The following FGF14 variants were observed in gnomAD, a reference collection of about 807,000 sequenced individuals.
FGF14 encodes fibroblast growth factor homologous factor 4.
A neutral mutation model predicts 25.5 loss-of-function variants in FGF14; 5 were observed. The observed-to-expected ratio is 0.20, with a 90% CI of 0.10 to 0.41. FGF14 has a LOEUF of 0.41. Among genes scored for constraint, FGF14 ranks in the 10% least tolerant of loss-of-function variants. FGF14 has a pLI of 1.00. For synonymous variants in FGF14, 138 were observed against 118.3 expected, an observed-to-expected ratio of 1.17 and a Z score of -1.08; for missense variants, 222 against 320.1, an observed-to-expected ratio of 0.69 and a Z score of 2.34.
chr13:102,292,576 T>C (rs2054479410), intron 1 of FGF14: 1 of 152,208 alleles, frequency 6.6e-6, no homozygotes, highest in African/African-American at 2.4e-5. Flanking sequence ...TAGCTTTTCC[T>C]TCAGGGTTTT....
chr13:102,183,169 A>C (rs1010569467), intron 1 of FGF14, among the ~76,000 whole-genome samples: 1 of 152,214 alleles, frequency 6.6e-6, no homozygotes, highest in Non-Finnish European at 1.5e-5. Flanking sequence ...AAAAATAAAA[A>C]ATAGAAAAAT....
At chr13:101,942,779 T>C (rs1162288543) in intron 1 of FGF14, among the ~76,000 whole-genome samples, 1 of 152,256 alleles carries the variant, frequency 6.6e-6, no homozygotes, top group Non-Finnish European at 1.5e-5. Context: ...TCTCTCAGGA[T>C]AGACTAGAGC....
intron 1 of FGF14, among the ~76,000 whole-genome samples, chr13:101,926,072 C>T (rs1301226702): frequency 9.2e-5 from 14 of 152,156 alleles, no homozygotes; most frequent in African/African-American, 3.4e-4. Context: ...ATCTCCCCAT[C>T]CCAGGATCCT....
At chr13:102,101,549 T>G (rs1485084376) in intron 1 of FGF14, among the ~76,000 whole-genome samples, 1 of 152,182 alleles carries the variant, frequency 6.6e-6, no homozygotes, top group African/African-American at 2.4e-5. Flanking sequence ...TAAAAGGCAA[T>G]AAAGTGTACC....
intron 3 of FGF14, among the ~76,000 whole-genome samples, chr13:101,767,723 G>A (rs963736975): frequency 3.3e-5 from 5 of 152,078 alleles, no homozygotes; most frequent in African/African-American, 7.2e-5. Flanking sequence ...GCAGAGAAGC[G>A]GGTAAGAATT....
chr13:101,901,294 C>G (rs1320501167), intron 1 of FGF14, among the ~76,000 whole-genome samples: 1 of 152,186 alleles, frequency 6.6e-6, no homozygotes, highest in Non-Finnish European at 1.5e-5. Context: ...TTCTTGATGT[C>G]TCCCTCCCAC....
At chr13:102,253,620 G>A (rs568593477) in intron 1 of FGF14, among the ~76,000 whole-genome samples, 3 of 152,252 alleles carry the variant, frequency 2.0e-5, no homozygotes, top group Admixed American at 6.5e-5. Context: ...TAGGTTGCCT[G>A]TTCACTCTGA....
At chr13:101,786,970 T>C (rs940915527) in intron 3 of FGF14, among the ~76,000 whole-genome samples, 2 of 152,156 alleles carry the variant, frequency 1.3e-5, no homozygotes, top group Admixed American at 1.3e-4. Context: ...ACTCACATCA[T>C]GTCGCTATTT....
chr13:102,022,214 G>A (rs533610635), intron 1 of FGF14, among the ~76,000 whole-genome samples: 1 of 152,030 alleles, frequency 6.6e-6, no homozygotes, highest in South Asian at 2.1e-4. Flanking sequence ...TTCTTTAAAG[G>A]ACATAGCCAG....
At chr13:102,259,518 A>G (rs2052612820) in intron 1 of FGF14, among the ~76,000 whole-genome samples, 1 of 152,064 alleles carries the variant, frequency 6.6e-6, no homozygotes. Context: ...GTAGATACTC[A>G]CGTCCTCCTG....
In FGF14 at chr13:102,398,511, A is replaced by G. The variant is rs138808155; in HGVS notation, c.208+2960T>C. 2.6e-3 allele frequency among the ~76,000 whole-genome samples: 395 copies of G among 152,308 alleles called. 1 individual carries two copies. Among genetic ancestry groups the G allele is most frequent in the African/African-American group, 9.0e-3 (376 of 41,570 alleles). ...AGAATAGGTGCTTTACACCAAATTC[A>G]CTGGTATTTGGCAGTATTCTCCCAA... is the stretch of plus-strand genomic sequence containing the variant. On this transcript the variant is annotated intron_variant, in intron 1 of 4. Coordinates refer to the FGF14 transcript ENST00000376131.
intron 3 of FGF14, among the ~76,000 whole-genome samples, chr13:101,790,984 T>C (rs1286293410): frequency 2.0e-5 from 3 of 152,336 alleles, no homozygotes; most frequent in African/African-American, 7.2e-5. Context: ...TTTCTTTTGT[T>C]CTATCAATAA....
intron 3 of FGF14, among the ~76,000 whole-genome samples, chr13:101,748,263 A>G (rs1186000834): frequency 1.3e-5 from 2 of 152,022 alleles, no homozygotes; most frequent in Non-Finnish European, 2.9e-5. Flanking sequence ...TGTTACATAT[A>G]TATGTATCAC....
At chr13:101,806,423 G>GAAAA (rs145519828) in intron 3 of FGF14, among the ~76,000 whole-genome samples, 6 of 60,420 alleles carry the variant, frequency 9.9e-5, no homozygotes, top group African/African-American at 3.4e-4. Flanking sequence ...CGTCTAAGAA[G>GAAAA]AAAAAAAAAA....
intron 1 of FGF14, among the ~76,000 whole-genome samples, chr13:102,311,711 C>T (rs1044226830): frequency 2.0e-5 from 3 of 152,182 alleles, no homozygotes; most frequent in African/African-American, 7.2e-5. Context: ...AAGAACTGAG[C>T]TATTTTAAAG....
In FGF14 at chr13:102,310,351, C is replaced by G. The variant is rs114963349; in HGVS notation, c.208+91120G>C. Reference sequence around the variant, plus strand: ...TTTACTGTTTGTTTGTTTGGATCACCAACTATTTAAAGTGAGAAATCCTAA... The same window carrying G: ...TTTACTGTTTGTTTGTTTGGATCACGAACTATTTAAAGTGAGAAATCCTAA... On this transcript the variant is annotated intron_variant, in intron 1 of 4. Transcript: ENST00000376131. 3.9e-3 allele frequency among the ~76,000 whole-genome samples: 592 copies of G among 152,190 alleles called. 5 individuals carry two copies. The highest frequency in any genetic ancestry group is 0.013 in the African/African-American group (544 of 41,544).
At chr13:102,107,075 G>C (rs1307602357) in intron 1 of FGF14, among the ~76,000 whole-genome samples, 1 of 152,138 alleles carries the variant, frequency 6.6e-6, no homozygotes, top group African/African-American at 2.4e-5. Context: ...GGGCTTATTT[G>C]AACTTCAGTT....
intron 3 of FGF14, among the ~76,000 whole-genome samples, chr13:101,855,101 T>C (rs1566320452): frequency 6.6e-6 from 1 of 152,040 alleles, no homozygotes; most frequent in Non-Finnish European, 1.5e-5. Flanking sequence ...TTTTCTCTAG[T>C]GGTATCACAC....
At chr13:102,259,060 C>T (rs1391638326) in intron 1 of FGF14, among the ~76,000 whole-genome samples, 3 of 152,272 alleles carry the variant, frequency 2.0e-5, no homozygotes, top group East Asian at 3.9e-4. Context: ...TTCATCTGCT[C>T]ATTTTGTGAT....
Sources: gnomAD v4.1 joint callset for allele counts (sites outside exome capture counted in the v4.1 genomes callset) on GRCh38, gnomAD v4.1.1 for gene constraint, MANE v1.5 for transcripts, NCBI Gene and HGNC (gene_info 2026-07-23, HGNC 2026-07-21) for gene names.